Variants in PARP16 observed in about 807,000 individuals in gnomAD.
PARP16 encodes poly(ADP-ribose) polymerase family member 16, also known as protein mono-ADP-ribosyltransferase PARP16.
Under a neutral mutation model 35.0 loss-of-function variants are expected in PARP16, and 31 were observed. The observed-to-expected ratio is 0.88, with a 90% CI of 0.66 to 1.19. PARP16 has a LOEUF of 1.19. PARP16 is among the 50% of genes most tolerant of loss of function. The pLI is 0.00. For missense variants in PARP16, 424 were observed against 411.2 expected (o/e 1.03, Z -0.27); for synonymous variants, 162 against 169.5 (o/e 0.96, Z 0.34).
At chr15:65,264,464 G>A (rs899747949) in intron 3 of PARP16, among the ~76,000 whole-genome samples, 2 of 152,218 alleles carry the variant, frequency 1.3e-5, no homozygotes, top group African/African-American at 2.4e-5. Flanking sequence ...CTCTGGAATT[G>A]AGAAATGTCC....
intron 1 of PARP16, among the ~76,000 whole-genome samples, chr15:65,271,663 T>A (rs75617650): frequency 0.01 from 1,563 of 152,268 alleles, 27 homozygotes; most frequent in African/African-American, 0.036. Context: ...CCCTTCCTGT[T>A]AGTATCAGTG....
Position 65,266,688 on chromosome 15 carries a change from A to C in PARP16, c.393T>G (p.Phe131Leu). The C allele has an allele frequency of 6.2e-7, 1 of 1,614,148 alleles. No homozygotes were observed. Among genetic ancestry groups the C allele is most frequent in the South Asian group, 1.1e-5 (1 of 91,080 alleles). Reference protein sequence around the residue: ...APDFLFEIEYFDPANAKFYET... With the variant: ...APDFLFEIEYLDPANAKFYET... ...CATAAAATTTGGCGTTGGCTGGGTC[A>C]AAGTACTCAATTTCAAACAGGAAGT... Residue 131 changes from phenylalanine to leucine, a missense_variant, in exon 3 of 6, where the codon TTT (phenylalanine) becomes TTG (leucine). Transcript: ENST00000649807.
downstream of PARP16, among the ~76,000 whole-genome samples, chr15:65,255,208 T>C (rs577479973): frequency 1.5e-4 from 23 of 151,780 alleles, no homozygotes; most frequent in African/African-American, 5.3e-4. Flanking sequence ...TTCCTGCCTC[T>C]CCATTCCCAG....
chr15:65,266,645 C>G lies in PARP16; in HGVS notation c.436G>C (p.Asp146His). Residue 146 changes from aspartate (D) to histidine (H), a missense_variant, in exon 3 of 6, where the codon GAC becomes CAC. Transcript: ENST00000649807. ...AKFYETKGER[D>H]LIYAFHGSRL... ...CTACCATGAAATGCATAGATTAGGT[C>G]TCGTTCTCCTTTGGTCTCATAAAAT... 1 of 1,614,138 alleles carries G rather than the reference C, an allele frequency of 6.2e-7. No homozygotes were observed. Among genetic ancestry groups the G allele is most frequent in the South Asian group, 1.1e-5 (1 of 91,084 alleles).
Position 65,240,308 on chromosome 15 carries a change from GT to G in PARP16, c.*98-5486del, listed in dbSNP as rs1477931299. On this transcript the variant is annotated intron_variant and NMD_transcript_variant, in intron 3 of 3. Transcript: ENST00000559805. ...CCACGCCTGGCTAGTGTGTGTGTGT[GT>G]GGTGGGGGGGGCTAGTGTGTGTGTG... is the stretch of plus-strand genomic sequence containing the variant. Among the ~76,000 whole-genome samples, 19 of 72,964 alleles carry G rather than the reference GT, an allele frequency of 2.6e-4. No individual in the cohort carries two copies. In the East Asian group the frequency reaches 5.7e-3, roughly 22 times the overall value. 47.9% of individuals were successfully genotyped at this position (72,964 alleles called of 152,430 possible).
chr15:65,267,401 A>G (rs1403006684), intron 2 of PARP16, among the ~76,000 whole-genome samples: 1 of 151,678 alleles, frequency 6.6e-6, no homozygotes, highest in African/African-American at 2.4e-5. Context: ...AGGTCAGGAG[A>G]TCAAGACCAT....
downstream of PARP16, among the ~76,000 whole-genome samples, chr15:65,256,696 C>T (rs1162302791): frequency 2.6e-5 from 4 of 152,212 alleles, no homozygotes; most frequent in Non-Finnish European, 4.4e-5. Flanking sequence ...CGTGAGCCAC[C>T]GCGCCCGGCC....
At chr15:65,271,478 T>C (rs564841492) in intron 1 of PARP16, among the ~76,000 whole-genome samples, 6 of 152,112 alleles carry the variant, frequency 3.9e-5, no homozygotes, top group Non-Finnish European at 8.8e-5. Flanking sequence ...TTTCACCATG[T>C]TGGCCAGCCT....
At chr15:65,240,008 C>A (rs1418250923) in intron 3 of PARP16, among the ~76,000 whole-genome samples, 1 of 131,266 alleles carries the variant, frequency 7.6e-6, no homozygotes, top group East Asian at 2.3e-4. Flanking sequence ...CCCAGGCTGG[C>A]GTGCAATGGC....
rs71136328 is a variant in PARP16, at chr15:65,239,659, CTTTTTTTTT to C, written c.*98-4845_*98-4837del. 4.6e-5 allele frequency among the ~76,000 whole-genome samples: 6 copies of C among 129,362 alleles called. No individual in the cohort carries two copies. In the Admixed American group the frequency reaches 4.9e-4, roughly 10 times the overall value. The allele number at this position is 129,362 out of a possible 152,430, so 84.9% of individuals were successfully genotyped here. ...GATAGAAAATAGTATGTAATTTTTTCTTTTTTTTTTTTTTTGAGGCAGAGTCTTGCTCTG... is the reference window on the plus strand; with the variant it reads ...GATAGAAAATAGTATGTAATTTTTTCTTTTTTGAGGCAGAGTCTTGCTCTG... On this transcript the variant is annotated intron_variant and NMD_transcript_variant, in intron 3 of 3. Coordinates refer to the PARP16 transcript ENST00000559805.
chr15:65,269,103 G>A (rs2090001048), intron 2 of PARP16, among the ~76,000 whole-genome samples: 1 of 151,900 alleles, frequency 6.6e-6, no homozygotes, highest in Admixed American at 6.6e-5. Context: ...CTCTATAGTG[G>A]TTACACCTAT....
chr15:65,262,812 C>T (rs2089780043), intron 4 of PARP16, among the ~76,000 whole-genome samples: 1 of 152,212 alleles, frequency 6.6e-6, no homozygotes, highest in Non-Finnish European at 1.5e-5. Context: ...TCATCACTCA[C>T]TTTTTAAAAA....
downstream of PARP16, among the ~76,000 whole-genome samples, chr15:65,233,183 G>T (rs949570925): frequency 2.6e-5 from 4 of 152,146 alleles, no homozygotes; most frequent in Non-Finnish European, 4.4e-5. Context: ...GGAGGCCGAG[G>T]TGGGCGGATC....
intron 2 of PARP16, 108 bp downstream of exon 2, chr15:65,270,827 G>C (rs1284219198): frequency 9.1e-7 from 1 of 1,095,210 alleles, no homozygotes; most frequent in Non-Finnish European, 1.4e-6. Context: ...GCATTCTCAA[G>C]CTGCCCAGGT....
intron 2 of PARP16, among the ~76,000 whole-genome samples, chr15:65,252,500 G>T (rs903380328): frequency 6.6e-6 from 1 of 152,126 alleles, no homozygotes. Flanking sequence ...AATTGAGACT[G>T]GCCTTTCTGA....
chr15:65,283,116 T>C (rs1036706161), intron 1 of PARP16, among the ~76,000 whole-genome samples: 1 of 152,056 alleles, frequency 6.6e-6, no homozygotes, highest in Non-Finnish European at 1.5e-5. Context: ...CTAGTCCACT[T>C]AGAGATATGT....
chr15:65,254,421 T>C (rs377115231), downstream of PARP16, among the ~76,000 whole-genome samples: 3 of 152,296 alleles, frequency 2.0e-5, no homozygotes, highest in East Asian at 5.8e-4. Flanking sequence ...CCCAGGACAC[T>C]GTCTCCATGG....
chr15:65,248,847 C>T (rs1000765986), intron 2 of PARP16, among the ~76,000 whole-genome samples: 33 of 152,170 alleles, frequency 2.2e-4, no homozygotes, highest in African/African-American at 7.0e-4. Context: ...AGATGTTATA[C>T]GTTGTGGGGA....
chr15:65,244,000 T>C (rs932524818), intron 3 of PARP16, among the ~76,000 whole-genome samples: 12 of 152,108 alleles, frequency 7.9e-5, no homozygotes, highest in African/African-American at 2.9e-4. Context: ...CCCCTCACCA[T>C]GTTCCAGTAA....
Sources: gnomAD v4.1 joint callset for allele counts (sites outside exome capture counted in the v4.1 genomes callset) on GRCh38, gnomAD v4.1.1 for gene constraint, MANE v1.5 for transcripts, NCBI Gene and HGNC (gene_info 2026-07-23, HGNC 2026-07-21) for gene names.